Variants in SUSD2 observed in about 807,000 individuals in gnomAD.
The protein encoded by SUSD2 is sushi domain-containing protein 2.
In SUSD2, 86 loss-of-function variants were observed where a neutral mutation model predicts 93.8. That is an observed-to-expected ratio of 0.92 (90% CI 0.77 to 1.10). The LOEUF (loss-of-function observed/expected upper bound fraction) is 1.10. SUSD2 is among the 50% of genes least tolerant of loss of function. The pLI, the probability that SUSD2 is intolerant of heterozygous loss-of-function variation, is 0.00. For missense variants in SUSD2, 1,060 were observed against 1,137.0 expected, an observed-to-expected ratio of 0.93 and a Z score of 0.97; for synonymous variants, 483 against 485.0, an observed-to-expected ratio of 1.00 and a Z score of 0.05.
Position 24,188,156 on chromosome 22 carries a change from C to T in SUSD2, c.2341+21C>T. 6.2e-7 allele frequency: 1 copy of T among 1,602,650 alleles called. No individual in the cohort carries two copies. Among genetic ancestry groups the T allele is most frequent in the Non-Finnish European group, 8.5e-7 (1 of 1,172,632 alleles). ...GCCAGGTGAGGACACTCTGCTCATA[C>T]ACCTGCCTGCACCTGTCCCCACTCA... On this transcript the variant is annotated intron_variant, in intron 13 of 14. Coordinates refer to ENST00000358321, the MANE Select transcript of SUSD2 (RefSeq NM_019601.4). The surrounding 1 kb of genome is among the most constrained non-coding windows in gnomAD (Gnocchi z 4.7).
At chr22:24,182,936 C>T (rs1414725915) in intron 1 of SUSD2, 121 bp from the exon 2 acceptor site, 5 of 794,310 alleles carry the variant, frequency 6.3e-6, no homozygotes, top group African/African-American at 1.7e-5. Context: ...CAGTTCCTGG[C>T]CAGCGTTCTC....
At chr22:24,185,453 G>A (rs1291192649) in intron 6 of SUSD2, 33 bp from the exon 7 acceptor site, 3 of 1,551,546 alleles carry the variant, frequency 1.9e-6, no homozygotes, top group East Asian at 2.4e-5. Context: ...AGAACCCGAG[G>A]CCACTGGGTG....
In SUSD2 at chr22:24,184,208, C is replaced by T. The variant is rs771868463; in HGVS notation, c.512C>T (p.Thr171Ile). The change falls in exon 4 of 15, where the codon ACC (threonine) becomes ATC (isoleucine). Residue 171 changes from threonine (T) to isoleucine (I), a missense_variant. Physicochemically the swap from Thr to Ile is moderately conservative, Grantham distance 89. Transcript: ENST00000358321. ...VNETRWQYYG[T>I]ANTSGNLSLT... is the part of the protein sequence containing the mutation. The stretch of plus-strand genomic sequence containing the variant: ...GAGACGCGTTGGCAATACTACGGCA[C>T]CGCCAACACCTCAGGCAACCTCAGC... The T allele has an allele frequency of 6.8e-6, 11 of 1,613,446 alleles. No individual in the cohort carries two copies. Among genetic ancestry groups the T allele is most frequent in the Admixed American group, 1.7e-5 (1 of 60,002 alleles).
chr22:24,187,145 CG>C, intron 10 of SUSD2, 56 bp from the exon 11 acceptor site: 1 of 1,572,414 alleles, frequency 6.4e-7, no homozygotes, highest in East Asian at 2.2e-5. Context: ...CCTGGGGCTG[CG>C]GGAGGGGACA....
chr22:24,185,053 T>C (rs1194005226), intron 5 of SUSD2, 41 bp from the exon 6 acceptor site: 5 of 1,609,926 alleles, frequency 3.1e-6, no homozygotes, highest in Non-Finnish European at 4.2e-6. Context: ...GACCATGGGG[T>C]GGTGTGGGCT....
intron 1 of SUSD2, chr22:24,182,826 TAGCCCGTC>T (rs2047332997): frequency 1.8e-6 from 1 of 557,684 alleles, no homozygotes; most frequent in South Asian, 2.2e-5. Flanking sequence ...CGCTGCATTC[TAGCCCGTC>T]AGTCAGGGCA....
intron 10 of SUSD2, 33 bp from the exon 11 acceptor site, chr22:24,187,169 C>T (rs375260962): frequency 5.6e-6 from 9 of 1,598,032 alleles, no homozygotes; most frequent in East Asian, 4.5e-5. Flanking sequence ...ATGCTCACAG[C>T]GGGTGACCCT....
At chr22:24,187,876 C>T in intron 12 of SUSD2, 33 bp downstream of exon 12, 1 of 1,603,202 alleles carries the variant, frequency 6.2e-7, no homozygotes. Flanking sequence ...GGGCGGGGAG[C>T]TGGGACAGGA....
Position 24,186,124 on chromosome 22 carries a change from T to A in SUSD2, c.1448T>A (p.Val483Glu). 1 of 1,611,902 alleles carries A rather than the reference T, an allele frequency of 6.2e-7. No individual in the cohort carries two copies. The highest frequency in any genetic ancestry group is 1.1e-5 in the South Asian group (1 of 91,012). The change falls in exon 9 of 15, where the codon GTG becomes GAG. Residue 483 changes from valine (V) to glutamate (E), a missense_variant. Physicochemically the swap from Val to Glu is moderately radical, Grantham distance 121. Transcript: ENST00000358321. ...GAGGCAGCGCTGACCGACCTGAGGG[T>A]GCAGGCGCGGGCCCAGCCCGGGACG... ...LLEAALTDLRVQARAQPGTMS... is the reference protein window; with the variant it reads ...LLEAALTDLREQARAQPGTMS...
rs149753711 is a variant in SUSD2 at position 24,183,626 on chromosome 22, G to C, written c.419G>C (p.Arg140Pro). Reference protein sequence around the residue: ...VSLDNGHSFPRAGTWLAVHPN... With the variant: ...VSLDNGHSFPPAGTWLAVHPN... Reference sequence around the variant, plus strand: ...CTGGACAACGGCCACTCCTTCCCTCGTGCGGGCACCTGGCTGGCTGGTGAG... The same window carrying C: ...CTGGACAACGGCCACTCCTTCCCTCCTGCGGGCACCTGGCTGGCTGGTGAG... Residue 140 changes from arginine to proline, a missense_variant, in exon 3 of 15, where the codon CGT (arginine) becomes CCT (proline). Around this residue, in one of 2 missense-constraint regions of SUSD2, gnomAD observed 973 missense variants for 1,005.3 expected, o/e 0.97. Transcript: ENST00000358321. The C allele has an allele frequency of 4.3e-6, 7 of 1,612,220 alleles. No homozygotes were observed. The highest frequency in any genetic ancestry group is 1.1e-5 in the South Asian group (1 of 91,072).
chr22:24,185,361 A>C, intron 6 of SUSD2, 66 bp downstream of exon 6: 1 of 1,558,578 alleles, frequency 6.4e-7, no homozygotes, highest in Non-Finnish European at 8.7e-7. Flanking sequence ...GGACAGCACC[A>C]GGGGAGGCAG....
chr22:24,185,027 G>A, intron 5 of SUSD2, 67 bp from the exon 6 acceptor site: 2 of 1,610,292 alleles, frequency 1.2e-6, no homozygotes, highest in Admixed American at 1.7e-5. Flanking sequence ...CAGGCTGGGG[G>A]TGGGGAGAGT....
In SUSD2 at chr22:24,186,289, G is replaced by C. The variant is rs757391825; in HGVS notation, c.1516G>C (p.Val506Leu). ...GACCCGTGGCACTGGGCTGACCGCA[G>C]TGGCCGTCCAGGAGGGCAACTCAGA... ...TETRGTGLTA[V>L]AVQEGNSDVV... The change falls in exon 10 of 15, where the codon GTG becomes CTG. Residue 506 changes from valine (V) to leucine (L), a missense_variant. By Grantham distance (32) the Val-to-Leu change is conservative. Transcript: ENST00000358321. The C allele has an allele frequency of 3.1e-6, 5 of 1,613,804 alleles. No homozygotes were observed. In the South Asian group the frequency reaches 4.4e-5, roughly 14 times the overall value.
At chr22:24,184,414 G>A in intron 4 of SUSD2, 111 bp downstream of exon 4, 1 of 1,162,146 alleles carries the variant, frequency 8.6e-7, no homozygotes, top group Non-Finnish European at 1.2e-6. Flanking sequence ...TGGGGTTGAG[G>A]AGGGAAGGGA....
intron 1 of SUSD2, among the ~76,000 whole-genome samples, chr22:24,182,215 A>G (rs539223547): frequency 2.8e-4 from 42 of 152,346 alleles, no homozygotes; most frequent in African/African-American, 9.6e-4. Context: ...GGGAAGGGCC[A>G]GGGAAGTGCA....
At position 24,186,021 on chromosome 22, in the gene SUSD2, G is replaced by C. The variant is rs767029016; in HGVS notation, c.1345G>C (p.Ala449Pro). The C allele has an allele frequency of 1.2e-6, 2 of 1,607,780 alleles. No homozygotes were observed. Among genetic ancestry groups the C allele is most frequent in the Non-Finnish European group, 1.7e-6 (2 of 1,176,488 alleles). ...ACCCTCCACTCTCACCCTAGCCTCC[G>C]CCTTCGGAGACCCACACTTTGTGAC... ...RNYRPPRLAS[A>P]FGDPHFVTFD... Residue 449 changes from alanine (A) to proline (P), a missense_variant, in exon 9 of 15, where the codon GCC becomes CCC. By Grantham distance (27) the Ala-to-Pro change is conservative. Transcript: ENST00000358321.
intron 10 of SUSD2, chr22:24,186,958 G>A (rs1004295953): frequency 1.3e-4 from 76 of 581,026 alleles, no homozygotes; most frequent in Non-Finnish European, 6.7e-5. Context: ...GGACCCACAC[G>A]TGCATCTCAA....
intron 10 of SUSD2, chr22:24,186,660 G>A: frequency 1.8e-6 from 1 of 560,780 alleles, no homozygotes. Flanking sequence ...TTCTGGAGGG[G>A]AACTCACCCT....
Position 24,186,415 on chromosome 22 carries a change from G to A in SUSD2, c.1642G>A (p.Gly548Arg), listed in dbSNP as rs1436162461. Residue 548 changes from glycine (G) to arginine (R), a missense_variant and splice_region_variant, in exon 10 of 15, where the codon GGA becomes AGA. By Grantham distance (125) the Gly-to-Arg change is moderately radical (BLOSUM62 -2). Transcript: ENST00000358321. ...CGAGCAGAGCTGGATGGACCTGAAA[G>A]GTGAGCAGTCCAGCCACGCGAGGCT... Reference protein sequence around the residue: ...FTEQSWMDLKGMFLSVAAGDR... With the variant: ...FTEQSWMDLKRMFLSVAAGDR... 1 of 1,613,056 alleles carries A rather than the reference G, an allele frequency of 6.2e-7. No individual in the cohort carries two copies. Among genetic ancestry groups the A allele is most frequent in the Non-Finnish European group, 8.5e-7 (1 of 1,179,978 alleles).
Sources: gnomAD v4.1 joint callset for allele counts (sites outside exome capture counted in the v4.1 genomes callset) on GRCh38, gnomAD v4.1.1 for gene constraint, gnomAD v4.1.1 regional missense constraint, Gnocchi (gnomAD v3.1) non-coding constraint, MANE v1.5 for transcripts, NCBI Gene and HGNC (gene_info 2026-07-23, HGNC 2026-07-21) for gene names.